STK26: variants seen among roughly 807,000 people sequenced by gnomAD.
STK26 encodes serine/threonine kinase 26, also known as serine/threonine-protein kinase 26.
A neutral mutation model predicts 34.7 loss-of-function variants in STK26; 14 were observed. That is an observed-to-expected ratio of 0.40 (90% CI 0.27 to 0.63). The LOEUF (loss-of-function observed/expected upper bound fraction) is 0.63. Ranked by LOEUF, STK26 falls within the 30% of genes least tolerant of loss-of-function variation. The probability of loss-of-function intolerance (pLI) is 0.38; values close to 1 mark genes in which losing one functional copy is unlikely to be tolerated. For missense variants in STK26, 226 were observed against 309.1 expected, an observed-to-expected ratio of 0.73 and a Z score of 2.02; for synonymous variants, 100 against 109.8, an observed-to-expected ratio of 0.91 and a Z score of 0.56.
intron 2 of STK26, among the ~76,000 whole-genome samples, chrX:132,027,263 G>A (rs1408236220): frequency 9.0e-6 from 1 of 111,589 alleles, no homozygotes; most frequent in Non-Finnish European, 1.9e-5. Flanking sequence ...CAACCATTCT[G>A]TTTTTCGCTT....
chrX:132,073,031 T>C lies in STK26; in HGVS notation c.1164T>C (p.Ala388=). 8.3e-7 allele frequency: 1 copy of C among 1,210,491 alleles called. No homozygotes were observed. Among genetic ancestry groups the C allele is most frequent in the African/African-American group, 1.7e-5 (1 of 57,932 alleles). Residue 388 remains alanine, a synonymous_variant, in exon 11 of 12, where the codon GCT becomes GCC. Coordinates refer to ENST00000394334, the MANE Select transcript of STK26 (RefSeq NM_016542.4). The part of the protein sequence containing the change: ...IEELEKSIAV[A]EAACPGITDK... ...AACTCGAGAAAAGTATTGCTGTGGC[T>C]GAAGCCGCCTGTCCCGGCATCACAG...
chrX:132,068,764 T>C (rs774426302), intron 6 of STK26, among the ~76,000 whole-genome samples, 195 bp downstream of exon 6: 1 of 111,812 alleles, frequency 8.9e-6, no homozygotes, highest in East Asian at 2.8e-4. Context: ...CTTCAATGGC[T>C]TTTCATCCCA....
Position 132,023,563 on chromosome X carries a change from G to C in STK26, c.-55G>C. 8.6e-7 allele frequency: 1 copy of C among 1,162,211 alleles called. No individual in the cohort carries two copies. Among genetic ancestry groups the C allele is most frequent in the Non-Finnish European group, 1.2e-6 (1 of 868,391 alleles). ...GAACTACCCCCGGAGGGAGGAGCCAGTCCGAACCCAAGGCGCCACCGCCGC... is the reference window on the plus strand; with the variant it reads ...GAACTACCCCCGGAGGGAGGAGCCACTCCGAACCCAAGGCGCCACCGCCGC... On this transcript the variant is annotated 5_prime_UTR_variant, in exon 2 of 12. Coordinates refer to ENST00000394334, the MANE Select transcript of STK26 (RefSeq NM_016542.4).
chrX:132,038,025 A>G (rs1043371298), intron 2 of STK26, among the ~76,000 whole-genome samples: 2 of 110,315 alleles, frequency 1.8e-5, no homozygotes, highest in African/African-American at 3.3e-5. Context: ...TGGATCTTCT[A>G]TCTGCTGAGG....
intron 2 of STK26, among the ~76,000 whole-genome samples, chrX:132,028,567 G>A (rs1164062933): frequency 1.8e-5 from 2 of 111,876 alleles, no homozygotes; most frequent in Non-Finnish European, 3.8e-5. Flanking sequence ...GAAAATGAAG[G>A]ACTAGAGACA....
chrX:132,060,976 G>T (rs142062701), intron 3 of STK26, among the ~76,000 whole-genome samples: 30 of 111,707 alleles, frequency 2.7e-4, no homozygotes, highest in African/African-American at 8.8e-4. Flanking sequence ...TTGAGTAGTT[G>T]TAATTTTAAT....
At chrX:132,055,665 G>A (rs750720436) in intron 3 of STK26, 6 of 494,423 alleles carry the variant, frequency 1.2e-5, no homozygotes. Context: ...AATTAAAATT[G>A]TTTATCCTTG....
In STK26 at chrX:132,075,635, T is replaced by C. The variant is rs1166681027; in HGVS notation, c.*1476T>C. 1 of 111,712 alleles carries C rather than the reference T, an allele frequency of 9.0e-6. No individual in the cohort carries two copies. Among genetic ancestry groups the C allele is most frequent in the Non-Finnish European group, 1.9e-5 (1 of 52,952 alleles). 9.2% of individuals were successfully genotyped at this position (111,712 alleles called of 1,213,427 possible). On this transcript the variant is annotated 3_prime_UTR_variant, in exon 12 of 12. Coordinates refer to ENST00000394334, the MANE Select transcript of STK26 (RefSeq NM_016542.4). ...TGTAACAATTATTTTTAATGCATTGTATTTTGAAGTAACGGTTCAGTTAAA... is the reference window on the plus strand; with the variant it reads ...TGTAACAATTATTTTTAATGCATTGCATTTTGAAGTAACGGTTCAGTTAAA...
chrX:132,068,615 A>T, intron 6 of STK26, 46 bp downstream of exon 6: 1 of 1,124,213 alleles, frequency 8.9e-7, no homozygotes, highest in Non-Finnish European at 1.2e-6. Flanking sequence ...TTAATAAATT[A>T]TATATGGCAC....
chrX:132,057,771 C>T (rs1341972311), intron 3 of STK26, among the ~76,000 whole-genome samples: 1 of 111,784 alleles, frequency 8.9e-6, no homozygotes, highest in African/African-American at 3.3e-5. Context: ...AATCATTAAG[C>T]AGCCAAACAG....
At chrX:132,050,101 A>T (rs1185826406) in intron 2 of STK26, among the ~76,000 whole-genome samples, 1 of 111,215 alleles carries the variant, frequency 9.0e-6, no homozygotes, top group Non-Finnish European at 1.9e-5. Context: ...TTTGCTCTCT[A>T]GGTCCCCATT....
chrX:132,044,627 TTCTCTCTCTCTCTC>T (rs202173059), intron 2 of STK26, among the ~76,000 whole-genome samples: 3 of 43,094 alleles, frequency 7.0e-5, no homozygotes, highest in Non-Finnish European at 1.3e-4. Flanking sequence ...GATGTTCAAA[TTCTCTCTCTCTCTC>T]TCTCTCTCTC....
chrX:132,060,201 C>T (rs1927000499), intron 3 of STK26, among the ~76,000 whole-genome samples: 1 of 112,034 alleles, frequency 8.9e-6, no homozygotes, highest in South Asian at 3.7e-4. Flanking sequence ...CCTCTCTGCT[C>T]AGCCCCAGAT....
In STK26 at chrX:132,068,405, C is replaced by T. The variant is rs768844984; in HGVS notation, c.440-7C>T. 8.3e-7 allele frequency: 1 copy of T among 1,200,353 alleles called. No individual in the cohort carries two copies. On this transcript the variant is annotated splice_region_variant and splice_polypyrimidine_tract_variant and intron_variant, in intron 5 of 11. Transcript: ENST00000394334. ...GTTTTTTTTTGCTTTTCTTTTTTTCCTCCTAGCTGCCAATGTCTTGCTCTC... is the reference window on the plus strand; with the variant it reads ...GTTTTTTTTTGCTTTTCTTTTTTTCTTCCTAGCTGCCAATGTCTTGCTCTC...
chrX:132,023,774 C>T (rs1371328277), intron 2 of STK26, 115 bp downstream of exon 2: 1 of 917,283 alleles, frequency 1.1e-6, no homozygotes, highest in Non-Finnish European at 1.5e-6. Flanking sequence ...GAGGGCAGGG[C>T]CGGTCACTAT....
At chrX:132,032,654 A>G (rs1458685455) in intron 2 of STK26, among the ~76,000 whole-genome samples, 1 of 111,899 alleles carries the variant, frequency 8.9e-6, no homozygotes, top group Non-Finnish European at 1.9e-5. Context: ...CATTGAGTTC[A>G]ATTCAACCAT....
At chrX:132,029,780 G>T (rs752319051) in intron 2 of STK26, among the ~76,000 whole-genome samples, 16 of 110,971 alleles carry the variant, frequency 1.4e-4, no homozygotes, top group African/African-American at 4.9e-4. Context: ...AATGTCCCAG[G>T]CTATAGAAAT....
intron 3 of STK26, among the ~76,000 whole-genome samples, chrX:132,059,535 C>A (rs1926976995): frequency 8.9e-6 from 1 of 111,754 alleles, no homozygotes; most frequent in Admixed American, 9.5e-5. Flanking sequence ...GTTCACTGGG[C>A]AGATTTTCTT....
chrX:132,033,728 G>A (rs557590134), intron 2 of STK26, among the ~76,000 whole-genome samples: 2 of 111,820 alleles, frequency 1.8e-5, no homozygotes, highest in South Asian at 3.7e-4. Flanking sequence ...TGGAAGGCCT[G>A]CTTTGGGTAG....
Sources: allele counts gnomAD v4.1 joint callset (sites outside exome capture counted in the v4.1 genomes callset), GRCh38; gene constraint gnomAD v4.1.1; transcripts MANE v1.5; gene names NCBI Gene and HGNC (gene_info 2026-07-23, HGNC 2026-07-21).